The following EBF2 variants were observed in gnomAD, a reference collection of about 807,000 sequenced individuals.
EBF2 encodes EBF transcription factor 2, also known as transcription factor COE2.
EBF2 carries 21 observed loss-of-function variants against 72.8 expected under a neutral mutation model. The ratio of observed to expected loss-of-function variants is 0.29; its 90% CI spans 0.20 to 0.42. EBF2 has a LOEUF of 0.42. Among genes scored for constraint, EBF2 ranks in the 10% least tolerant of loss-of-function variants. EBF2 has a pLI of 1.00. For missense variants in EBF2, 637 were observed against 731.2 expected (o/e 0.87, Z 1.49); for synonymous variants, 299 against 274.2 (o/e 1.09, Z -0.89).
intron 6 of EBF2, among the ~76,000 whole-genome samples, chr8:25,975,114 G>A (rs1055740844): frequency 1.3e-5 from 2 of 152,096 alleles, no homozygotes; most frequent in Non-Finnish European, 1.5e-5. Flanking sequence ...ACCCAAGTCA[G>A]AAAAAATAAA....
chr8:25,973,943 G>T (rs756006341), intron 6 of EBF2, among the ~76,000 whole-genome samples: 3 of 152,146 alleles, frequency 2.0e-5, no homozygotes, highest in Non-Finnish European at 2.9e-5. Flanking sequence ...CTCCCGAAGT[G>T]CTGGGATTAC....
intron 11 of EBF2, 90 bp downstream of exon 11, chr8:25,862,619 A>G: frequency 2.0e-6 from 2 of 1,016,978 alleles, no homozygotes; most frequent in Non-Finnish European, 2.8e-6. Context: ...GGCCTAATTA[A>G]TTTTAATGGG....
intron 10 of EBF2, among the ~76,000 whole-genome samples, chr8:25,865,764 G>A (rs889419677): frequency 6.6e-6 from 1 of 150,572 alleles, no homozygotes; most frequent in African/African-American, 2.4e-5. Flanking sequence ...AGTGACTCAT[G>A]CCTGTAATCC....
chr8:26,039,263 G>A (rs763416647), intron 5 of EBF2, among the ~76,000 whole-genome samples: 3 of 151,708 alleles, frequency 2.0e-5, no homozygotes, highest in Admixed American at 6.6e-5. Flanking sequence ...GGTGGGGGGG[G>A]AATGCACAGG....
chr8:25,935,541 C>T (rs1246589922), intron 6 of EBF2, among the ~76,000 whole-genome samples: 1 of 152,170 alleles, frequency 6.6e-6, no homozygotes, highest in Non-Finnish European at 1.5e-5. Context: ...CAGGTTCTGC[C>T]AGTGTGTAGG....
At chr8:25,917,164 G>C (rs1803231255) in intron 6 of EBF2, among the ~76,000 whole-genome samples, 1 of 150,284 alleles carries the variant, frequency 6.7e-6, no homozygotes, top group Non-Finnish European at 1.5e-5. Flanking sequence ...CCTGGGGTTA[G>C]ATGTTGTGAG....
intron 5 of EBF2, among the ~76,000 whole-genome samples, chr8:26,037,729 G>T (rs1407585347): frequency 6.6e-6 from 1 of 152,104 alleles, no homozygotes; most frequent in African/African-American, 2.4e-5. Flanking sequence ...GGCTGGCAGC[G>T]ACATAACAAC....
chr8:25,930,311 T>A (rs1348535798), intron 6 of EBF2, among the ~76,000 whole-genome samples: 1 of 152,226 alleles, frequency 6.6e-6, no homozygotes, highest in East Asian at 1.9e-4. Context: ...AAAACAGTTC[T>A]GGAAGATCTG....
At chr8:25,856,447 G>T (rs1466380355) in intron 14 of EBF2, among the ~76,000 whole-genome samples, 1 of 152,042 alleles carries the variant, frequency 6.6e-6, no homozygotes, top group Admixed American at 6.6e-5. Flanking sequence ...ACTATTTATT[G>T]GCTATGAACT....
intron 10 of EBF2, among the ~76,000 whole-genome samples, chr8:25,874,400 A>G (rs536789574): frequency 1.8e-4 from 27 of 148,738 alleles, no homozygotes; most frequent in Non-Finnish European, 3.6e-4. Flanking sequence ...TTTCTCCCAA[A>G]TAATGAACAG....
At chr8:25,880,523 C>T (rs1447065999) in intron 10 of EBF2, among the ~76,000 whole-genome samples, 1 of 152,164 alleles carries the variant, frequency 6.6e-6, no homozygotes, top group African/African-American at 2.4e-5. Context: ...CTTCCCTCAC[C>T]TACTAATACC....
chr8:25,922,588 A>G (rs1455457948), intron 6 of EBF2, among the ~76,000 whole-genome samples: 2 of 152,234 alleles, frequency 1.3e-5, no homozygotes, highest in Non-Finnish European at 2.9e-5. Context: ...TTATTAAGTC[A>G]ACACACTCAC....
chr8:25,905,367 TCA>T (rs1299194313), intron 7 of EBF2, among the ~76,000 whole-genome samples: 4 of 152,170 alleles, frequency 2.6e-5, no homozygotes, highest in African/African-American at 9.7e-5. Context: ...AAAACATATG[TCA>T]CACAGTGAAA....
chr8:25,972,967 A>C (rs1804214150), intron 6 of EBF2, among the ~76,000 whole-genome samples: 2 of 119,814 alleles, frequency 1.7e-5, no homozygotes, highest in Non-Finnish European at 1.7e-5. Context: ...ACTCCCACCC[A>C]CCCTTGTCCC....
chr8:25,913,390 G>A (rs759810225), intron 6 of EBF2, among the ~76,000 whole-genome samples: 8 of 151,972 alleles, frequency 5.3e-5, no homozygotes, highest in East Asian at 1.9e-4. Flanking sequence ...GCAGTGAGCC[G>A]AGATCACGCC....
chr8:25,869,003 T>A, intron 10 of EBF2, among the ~76,000 whole-genome samples: 1 of 152,212 alleles, frequency 6.6e-6, no homozygotes. Flanking sequence ...AAACTAATTT[T>A]CATGTTTCCA....
At chr8:25,994,623 T>A (rs535597023) in intron 6 of EBF2, among the ~76,000 whole-genome samples, 1 of 152,226 alleles carries the variant, frequency 6.6e-6, no homozygotes, top group East Asian at 1.9e-4. Flanking sequence ...AAGAACAAAA[T>A]CATGTCTTTT....
At chr8:25,981,821 T>A (rs1431423089) in intron 6 of EBF2, among the ~76,000 whole-genome samples, 1 of 151,948 alleles carries the variant, frequency 6.6e-6, no homozygotes, top group Non-Finnish European at 1.5e-5. Context: ...TCTGTGTAGT[T>A]ATTCATCCAG....
chr8:25,899,227 G>C (rs557577375), intron 7 of EBF2, among the ~76,000 whole-genome samples: 3 of 150,276 alleles, frequency 2.0e-5, no homozygotes, highest in Non-Finnish European at 3.0e-5. Flanking sequence ...AAGATCCTCC[G>C]ACCCTCCACA....
Sources: gnomAD v4.1 joint callset for allele counts (sites outside exome capture counted in the v4.1 genomes callset) on GRCh38, gnomAD v4.1.1 for gene constraint, MANE v1.5 for transcripts, NCBI Gene and HGNC (gene_info 2026-07-23, HGNC 2026-07-21) for gene names.